Variants in DOCK10 observed in about 807,000 individuals in gnomAD.
DOCK10 encodes dedicator of cytokinesis protein 10.
DOCK10 carries 145 observed loss-of-function variants against 280.1 expected under a neutral mutation model. That is an observed-to-expected ratio of 0.52 (90% CI 0.45 to 0.59). DOCK10 has a LOEUF of 0.59. DOCK10 is among the 20% of genes least tolerant of loss of function. DOCK10 has a pLI of 0.00. For synonymous variants in DOCK10, 915 were observed against 942.2 expected, an observed-to-expected ratio of 0.97 and a Z score of 0.53; for missense variants, 2,368 against 2,651.7, an observed-to-expected ratio of 0.89 and a Z score of 2.35.
In DOCK10 at chr2:224,921,108, A is replaced by AT. The variant is rs1553613930; in HGVS notation, c.244-4325_244-4324insA. Among the ~76,000 whole-genome samples the AT allele has an allele frequency of 2.3e-3, 163 of 71,020 alleles. 1 individual carries two copies. Among genetic ancestry groups the AT allele is most frequent in the African/African-American group, 3.3e-3 (32 of 9,726 alleles). The allele number at this position is 71,020 out of a possible 152,430, so 46.6% of individuals were successfully genotyped here. ...CGTCTCTATTAAAAAAAAAAAAAAA[A>AT]AAAAATATATATATATATATATATA... On this transcript the variant is annotated intron_variant, in intron 2 of 55. Coordinates refer to ENST00000258390, the MANE Select transcript of DOCK10 (RefSeq NM_014689.3).
intron 11 of DOCK10, among the ~76,000 whole-genome samples, chr2:224,869,911 T>C (rs1238371734): frequency 2.0e-5 from 3 of 152,214 alleles, no homozygotes; most frequent in South Asian, 2.1e-4. Context: ...TTAAATTACA[T>C]TTAAATATGT....
At chr2:225,025,296 G>T (rs1689891404) in intron 1 of DOCK10, among the ~76,000 whole-genome samples, 1 of 152,142 alleles carries the variant, frequency 6.6e-6, no homozygotes, top group South Asian at 2.1e-4. Context: ...GTACTTGAAG[G>T]TGGTCCCTGG....
chr2:224,835,258 G>A (rs1254073974), intron 25 of DOCK10, among the ~76,000 whole-genome samples: 2 of 152,164 alleles, frequency 1.3e-5, no homozygotes, highest in East Asian at 1.9e-4. Context: ...TGTGAGTAAC[G>A]TCATCATCAA....
At chr2:224,857,512 C>T (rs1697224987) in intron 14 of DOCK10, among the ~76,000 whole-genome samples, 1 of 152,150 alleles carries the variant, frequency 6.6e-6, no homozygotes, top group Non-Finnish European at 1.5e-5. Context: ...ACGGAAGGCA[C>T]CTGAGTCAGA....
At position 224,773,246 on chromosome 2, in the gene DOCK10, T is replaced by C; in HGVS notation, c.6115A>G (p.Lys2039Glu). ...CAAAGCTGATTAAGCTCAGAAACCT[T>C]CTTGGACATCTCGTCAATTGCCACT... ...IEVAIDEMSK[K>E]VSELNQLCTM... is the part of the protein sequence containing the mutation. Residue 2039 changes from lysine (K) to glutamate (E), a missense_variant, in exon 53 of 56, where the codon AAG (lysine) becomes GAG (glutamate). By Grantham distance (56) the Lys-to-Glu change is moderately conservative (BLOSUM62 1). This residue lies in a region of DOCK10 where 1,159 missense variants were observed against 1,400.8 expected (regional missense o/e 0.83). Transcript: ENST00000258390. The C allele has an allele frequency of 1.2e-6, 2 of 1,613,992 alleles. No homozygotes were observed. Among genetic ancestry groups the C allele is most frequent in the Non-Finnish European group, 1.7e-6 (2 of 1,179,864 alleles).
chr2:224,848,021 G>T (rs563665338), intron 19 of DOCK10, among the ~76,000 whole-genome samples: 25 of 152,318 alleles, frequency 1.6e-4, no homozygotes, highest in Admixed American at 5.9e-4. Context: ...AGTCATAAGA[G>T]AAATGATACA....
intron 50 of DOCK10, chr2:224,778,497 A>T (rs1691039304): frequency 1.7e-6 from 1 of 603,978 alleles, no homozygotes; most frequent in Non-Finnish European, 3.0e-6. Flanking sequence ...AATATTTCCT[A>T]GCCAGGCCAA....
chr2:224,863,208 A>G (rs1697642709), intron 13 of DOCK10, among the ~76,000 whole-genome samples: 1 of 152,210 alleles, frequency 6.6e-6, no homozygotes, highest in South Asian at 2.1e-4. Flanking sequence ...TGTAGCAGGG[A>G]AATGGCCATA....
intron 1 of DOCK10, among the ~76,000 whole-genome samples, chr2:225,021,358 C>A (rs1689780008): frequency 6.6e-6 from 1 of 152,206 alleles, no homozygotes; most frequent in Admixed American, 6.5e-5. Context: ...GCAGTCACCT[C>A]TGCCTCCACA....
intron 1 of DOCK10, among the ~76,000 whole-genome samples, chr2:224,944,473 T>C (rs1471729225): frequency 2.0e-5 from 3 of 152,230 alleles, no homozygotes; most frequent in Non-Finnish European, 4.4e-5. Context: ...AACACAACAC[T>C]TGTAACTGTT....
At chr2:225,020,857 G>A (rs1256961420) in intron 1 of DOCK10, among the ~76,000 whole-genome samples, 1 of 152,190 alleles carries the variant, frequency 6.6e-6, no homozygotes, top group East Asian at 1.9e-4. Flanking sequence ...CTTACTTCTT[G>A]CATTTGTGTG....
intron 2 of DOCK10, among the ~76,000 whole-genome samples, chr2:224,929,301 C>A (rs1038196198): frequency 3.1e-4 from 47 of 152,322 alleles, no homozygotes; most frequent in Non-Finnish European, 7.3e-5. Flanking sequence ...TGTCTAATCA[C>A]TCCTGTCTCC....
chr2:224,776,253 T>C (rs1048792068), intron 51 of DOCK10, among the ~76,000 whole-genome samples: 6 of 152,204 alleles, frequency 3.9e-5, no homozygotes, highest in African/African-American at 1.4e-4. Context: ...ACCTCCTGAA[T>C]TTATTTTGTA....
At chr2:224,844,940 C>T (rs1330978935) in intron 21 of DOCK10, 101 bp from the exon 22 acceptor site, 7 of 900,288 alleles carry the variant, frequency 7.8e-6, no homozygotes, top group Non-Finnish European at 1.2e-5. Flanking sequence ...ATCCATTAAT[C>T]TTATATCAGC....
intron 1 of DOCK10, among the ~76,000 whole-genome samples, chr2:224,968,354 C>T (rs1389739102): frequency 6.6e-6 from 1 of 152,196 alleles, no homozygotes; most frequent in Non-Finnish European, 1.5e-5. Flanking sequence ...AGGAAAAAGA[C>T]AATCCCAGGC....
chr2:224,806,137 T>C lies in DOCK10; in HGVS notation c.3803A>G (p.Asn1268Ser). 6.3e-7 allele frequency: 1 copy of C among 1,599,662 alleles called. No homozygotes were observed. Among genetic ancestry groups the C allele is most frequent in the Non-Finnish European group, 8.5e-7 (1 of 1,169,640 alleles). ...AAGATCTCAAGTACCTGCTATGGAA[T>C]TTAAAACATCTTTAGAAAATGATGT... ...VDTSFSKDVL[N>S]SIAAFSSIAI... The change falls in exon 34 of 56, where the codon AAT (asparagine) becomes AGT (serine). Residue 1268 changes from asparagine (N) to serine (S), a missense_variant. Around this residue, in one of 2 missense-constraint regions of DOCK10, gnomAD observed 1,159 missense variants for 1,400.8 expected, o/e 0.83. Transcript: ENST00000258390.
At chr2:224,853,767 A>C (rs780278514) in intron 16 of DOCK10, among the ~76,000 whole-genome samples, 11 of 152,320 alleles carry the variant, frequency 7.2e-5, no homozygotes, top group Middle Eastern at 6.8e-3. Flanking sequence ...TTGAAGCCTG[A>C]AGTTGTGGTA....
rs1698466137 is a variant in DOCK10 at position 224,873,993 on chromosome 2, T to TA, written c.1257+2dup. 1 of 1,609,182 alleles carries TA rather than the reference T, an allele frequency of 6.2e-7. No individual in the cohort carries two copies. Among genetic ancestry groups the TA allele is most frequent in the Non-Finnish European group, 8.5e-7 (1 of 1,178,614 alleles). On this transcript the variant is annotated splice_region_variant and intron_variant, in intron 11 of 55. Coordinates refer to ENST00000258390, the MANE Select transcript of DOCK10 (RefSeq NM_014689.3). Reference sequence around the variant, plus strand: ...TATAGGATGTAACAGAGGAGAAACTTACATTCGTTATCGGATCATTTTCAT... The same window carrying TA: ...TATAGGATGTAACAGAGGAGAAACTTAACATTCGTTATCGGATCATTTTCAT...
intron 3 of DOCK10, among the ~76,000 whole-genome samples, chr2:224,898,290 G>C (rs1700099296): frequency 6.6e-6 from 1 of 152,180 alleles, no homozygotes; most frequent in African/African-American, 2.4e-5. Context: ...TATTTGTTCA[G>C]GGAGGTGCCC....
Sources: gnomAD v4.1 joint callset for allele counts (sites outside exome capture counted in the v4.1 genomes callset) on GRCh38, gnomAD v4.1.1 for gene constraint, gnomAD v4.1.1 regional missense constraint, MANE v1.5 for transcripts, NCBI Gene and HGNC (gene_info 2026-07-23, HGNC 2026-07-21) for gene names.